Variants in ZNHIT3 observed in about 807,000 individuals in gnomAD.
ZNHIT3 encodes the protein zinc finger HIT-type containing 3.
In ZNHIT3, 27 loss-of-function variants were observed where a neutral mutation model predicts 19.9. The ratio of observed to expected loss-of-function variants is 1.36; its 90% confidence interval spans 1.00 to 1.87. The LOEUF is 1.87. Among genes scored for constraint, ZNHIT3 ranks in the 40% most tolerant of loss-of-function variants. The probability of loss-of-function intolerance (pLI) is 0.00; values close to 1 mark genes in which losing one functional copy is unlikely to be tolerated. For synonymous variants in ZNHIT3, 81 were observed against 65.7 expected (o/e 1.23, Z -1.13); for missense variants, 215 against 185.6 (o/e 1.16, Z -0.92).
At chr17:36,497,589 CTTTT>C, downstream of ZNHIT3, 2 of 818,404 alleles carry the variant, frequency 2.4e-6, no homozygotes, top group Non-Finnish European at 2.9e-6. Context: ...CTAAACCAAA[CTTTT>C]TTTTTTTTTT....
At chr17:36,487,006 G>C (rs774035017) in intron 2 of ZNHIT3, 40 bp downstream of exon 2, 1 of 1,605,410 alleles carries the variant, frequency 6.2e-7, no homozygotes, top group Non-Finnish European at 8.5e-7. Context: ...CACTGCGCAC[G>C]GGGCAGCCCC....
intron 4 of ZNHIT3, 74 bp downstream of exon 4, chr17:36,494,080 T>C (rs1210237490): frequency 4.8e-6 from 6 of 1,249,372 alleles, no homozygotes; most frequent in Non-Finnish European, 6.9e-6. Context: ...TTTTAAAAAG[T>C]TTTTAATTTC....
intron 4 of ZNHIT3, among the ~76,000 whole-genome samples, chr17:36,494,892 T>G (rs187985333): frequency 1.5e-3 from 222 of 152,334 alleles, no homozygotes; most frequent in African/African-American, 5.2e-3. Flanking sequence ...AAAGCATTTT[T>G]TTCTTAGCTG....
chr17:36,497,447 G>A (rs554930500), downstream of ZNHIT3, among the ~76,000 whole-genome samples: 109 of 152,178 alleles, frequency 7.2e-4, no homozygotes, highest in African/African-American at 2.5e-3. Context: ...TGCCATTTGA[G>A]GTAACAAACT....
intron 3 of ZNHIT3, 119 bp downstream of exon 3, chr17:36,493,018 G>C (rs896590597): frequency 8.5e-6 from 8 of 940,210 alleles, no homozygotes; most frequent in African/African-American, 4.9e-5. Context: ...GGAAGGAACA[G>C]CTTCCTTAGC....
intron 4 of ZNHIT3, 131 bp downstream of exon 4, chr17:36,494,137 C>G: frequency 3.0e-6 from 2 of 659,190 alleles, no homozygotes; most frequent in Non-Finnish European, 5.2e-6. Flanking sequence ...GCCACATAAT[C>G]TGTAAACATA....
chr17:36,496,443 TC>T (rs1424173542), downstream of ZNHIT3: 2 of 1,608,156 alleles, frequency 1.2e-6, no homozygotes, highest in Non-Finnish European at 1.7e-6. Context: ...TAGCACTAGT[TC>T]CTGGGAGTGC....
rs2070793779 is a variant in ZNHIT3 at position 36,493,965 on chromosome 17, AG to A, written c.247del (p.Glu83LysfsTer10). 1.2e-6 allele frequency: 2 copies of A among 1,613,758 alleles called. No homozygotes were observed. Among genetic ancestry groups the A allele is most frequent in the Admixed American group, 3.3e-5 (2 of 60,008 alleles). ...ATAGCTGATTTTCTCAATAGTGATG[AG>A]GAAGAAGACAGAGTTTCTTTGCAGA... ...DSIADFLNSD[E>X]EEDRVSLQNL... On this transcript the variant is annotated frameshift_variant, in exon 4 of 5. Coordinates refer to ENST00000617429, the MANE Select transcript of ZNHIT3 (RefSeq NM_004773.4). LOFTEE classifies it high-confidence loss of function.
At chr17:36,492,953 G>A (rs746395964) in intron 3 of ZNHIT3, 54 bp downstream of exon 3, 48 of 1,474,744 alleles carry the variant, frequency 3.3e-5, no homozygotes, top group South Asian at 4.6e-5. Flanking sequence ...AGAATAAGTC[G>A]AAGGAAAAGG....
chr17:36,498,540 G>A, downstream of ZNHIT3: 1 of 1,612,292 alleles, frequency 6.2e-7, no homozygotes, highest in Admixed American at 1.7e-5. Context: ...CTCTTTAGCA[G>A]CAAGGCAGGC....
chr17:36,489,535 TAATA>T (rs2070676085), intron 2 of ZNHIT3: 1 of 152,200 alleles, frequency 6.6e-6, no homozygotes, highest in African/African-American at 2.4e-5. Context: ...TGCATGTCCC[TAATA>T]ATTAGTGATG....
At chr17:36,491,477 A>G (rs2070724912) in intron 2 of ZNHIT3, 1 of 151,852 alleles carries the variant, frequency 6.6e-6, no homozygotes, top group African/African-American at 2.4e-5. Context: ...GACAAACTTT[A>G]TCTATTTTTC....
At position 36,486,687 on chromosome 17, in the gene ZNHIT3, C is replaced by A; in HGVS notation, c.-13C>A. On this transcript the variant is annotated 5_prime_UTR_variant, in exon 1 of 5. Coordinates refer to ENST00000617429, the MANE Select transcript of ZNHIT3 (RefSeq NM_004773.4). ...GCGCGGCGGCGCAGTGAACAGTCTC[C>A]TTCCACAAAACCATGGCGTCGCTCA... is the stretch of plus-strand genomic sequence containing the variant. 6.8e-6 allele frequency: 11 copies of A among 1,613,916 alleles called. No homozygotes were observed. Among genetic ancestry groups the A allele is most frequent in the Non-Finnish European group, 9.3e-6 (11 of 1,179,902 alleles).
intron 2 of ZNHIT3, 47 bp downstream of exon 2, chr17:36,487,013 C>T (rs1451042170): frequency 6.2e-7 from 1 of 1,601,684 alleles, no homozygotes; most frequent in Non-Finnish European, 8.5e-7. Context: ...CACGGGGCAG[C>T]CCCCACGTCC....
At chr17:36,498,533 T>C (rs113036400), downstream of ZNHIT3, 4,126 of 1,612,910 alleles carry the variant, frequency 2.6e-3, 91 homozygotes, top group African/African-American at 0.046. Context: ...CATCCAGCTC[T>C]TTAGCAGCAA....
chr17:36,495,728 TAATAA>T lies in ZNHIT3; in HGVS notation c.*328_*332del. 2 of 1,247,724 alleles carry T rather than the reference TAATAA, an allele frequency of 1.6e-6. No homozygotes were observed. Among genetic ancestry groups the T allele is most frequent in the Non-Finnish European group, 2.0e-6 (2 of 997,378 alleles). 77.3% of individuals were successfully genotyped at this position (1,247,724 alleles called of 1,614,324 possible). On this transcript the variant is annotated 3_prime_UTR_variant, in exon 5 of 5. Transcript: ENST00000617429. ...ATATGGAGTTAAACTTGGTCAGTGT[TAATAA>T]AATCAAAACGTGATTCTACTGTACA...
chr17:36,493,848 C>G, intron 3 of ZNHIT3, 78 bp from the exon 4 acceptor site: 1 of 967,284 alleles, frequency 1.0e-6, no homozygotes, highest in Non-Finnish European at 1.7e-6. Flanking sequence ...CATTTTTATC[C>G]TGTTCAAGTA....
chr17:36,494,050 G>A (rs779706713), intron 4 of ZNHIT3, 44 bp downstream of exon 4: 4 of 1,448,414 alleles, frequency 2.8e-6, no homozygotes, highest in Non-Finnish European at 3.8e-6. Flanking sequence ...TACATTTACT[G>A]TGTTGTAAGG....
In ZNHIT3 at chr17:36,495,233, A is replaced by G. The variant is rs1232604320; in HGVS notation, c.297A>G (p.Ala99=). 6.4e-7 allele frequency: 1 copy of G among 1,569,276 alleles called. No homozygotes were observed. The highest frequency in any genetic ancestry group is 8.6e-7 in the Non-Finnish European group (1 of 1,163,262). The change falls in exon 5 of 5, where the codon GCA becomes GCG. Residue 99 remains alanine (A), a synonymous_variant. Coordinates refer to ENST00000617429, the MANE Select transcript of ZNHIT3 (RefSeq NM_004773.4). ...CTTGTTAATTTTTAGGGGAATCTGCAACATTAAGAAGCTTATTGCTCAATC... is the reference window on the plus strand; with the variant it reads ...CTTGTTAATTTTTAGGGGAATCTGCGACATTAAGAAGCTTATTGCTCAATC... ...LQNLKNLGES[A]TLRSLLLNPH...
Sources: allele counts gnomAD v4.1 joint callset (sites outside exome capture counted in the v4.1 genomes callset), GRCh38; gene constraint gnomAD v4.1.1; transcripts MANE v1.5; gene names NCBI Gene and HGNC (gene_info 2026-07-23, HGNC 2026-07-21).